Variants in ZNF804B observed in about 807,000 individuals in gnomAD.
ZNF804B encodes zinc finger protein 804B, also known as zinc finger 804B.
Under a neutral mutation model 101.4 loss-of-function variants are expected in ZNF804B, and 80 were observed. The ratio of observed to expected loss-of-function variants is 0.79; its 90% CI spans 0.66 to 0.95. ZNF804B has a LOEUF of 0.95. ZNF804B is among the 40% of genes least tolerant of loss of function. The pLI is 0.00. For missense variants in ZNF804B, 1,673 were observed against 1,561.9 expected, an observed-to-expected ratio of 1.07 and a Z score of -1.20; for synonymous variants, 622 against 558.8, an observed-to-expected ratio of 1.11 and a Z score of -1.59.
intron 1 of ZNF804B, among the ~76,000 whole-genome samples, chr7:89,203,735 T>A (rs73397110): frequency 0.013 from 2,034 of 152,224 alleles, 42 homozygotes; most frequent in African/African-American, 0.046. Flanking sequence ...AGACTTATTA[T>A]TAGACATAAT....
At chr7:88,978,648 T>C (rs1793651835) in intron 1 of ZNF804B, among the ~76,000 whole-genome samples, 1 of 151,852 alleles carries the variant, frequency 6.6e-6, no homozygotes, top group Non-Finnish European at 1.5e-5. Context: ...GCTCTTGTTT[T>C]TTTTTAATTT....
chr7:89,030,307 TTTTCAAGGACC>T (rs1418660243), intron 1 of ZNF804B, among the ~76,000 whole-genome samples: 1 of 152,196 alleles, frequency 6.6e-6, no homozygotes, highest in East Asian at 1.9e-4. Flanking sequence ...ATTTAGCATA[TTTTCAAGGACC>T]ATAGGAGAAT....
chr7:88,845,279 GCACGCGCGCGCGCACGCGCGCGCA>G (rs1284342454), intron 1 of ZNF804B, among the ~76,000 whole-genome samples: 2 of 133,804 alleles, frequency 1.5e-5, no homozygotes, highest in East Asian at 4.9e-4. Flanking sequence ...GCATGTGTGC[GCACGCGCGCGCGCACGCGCGCGCA>G]CACACACACA....
chr7:89,179,998 A>G (rs1788273054), intron 1 of ZNF804B, among the ~76,000 whole-genome samples: 1 of 152,056 alleles, frequency 6.6e-6, no homozygotes, highest in Admixed American at 6.6e-5. Flanking sequence ...CTTTTCCTAA[A>G]CTAACTGAGT....
At chr7:88,807,073 C>T (rs1169153593) in intron 1 of ZNF804B, among the ~76,000 whole-genome samples, 1 of 152,110 alleles carries the variant, frequency 6.6e-6, no homozygotes, top group African/African-American at 2.4e-5. Context: ...AAATCCATAT[C>T]TTTTTTGACT....
chr7:89,334,468 G>T lies in ZNF804B; in HGVS notation c.1486G>T (p.Asp496Tyr). 1 of 1,613,648 alleles carries T rather than the reference G, an allele frequency of 6.2e-7. No individual in the cohort carries two copies. The highest frequency in any genetic ancestry group is 8.5e-7 in the Non-Finnish European group (1 of 1,179,826). The change falls in exon 4 of 4, where the codon GAC (aspartate) becomes TAC (tyrosine). Residue 496 changes from aspartate to tyrosine, a missense_variant. By Grantham distance (160) the Asp-to-Tyr change is radical (BLOSUM62 -3). Coordinates refer to ENST00000333190, the MANE Select transcript of ZNF804B (RefSeq NM_181646.5). ...CACAAAGGAAGACCACAATCTAGAG[G>T]ACTTAAAAACAGAATTGGGTAAGAA... ...RNTKEDHNLE[D>Y]LKTELGKKPL...
At chr7:88,811,827 G>A (rs1790793370) in intron 1 of ZNF804B, among the ~76,000 whole-genome samples, 1 of 143,318 alleles carries the variant, frequency 7.0e-6, no homozygotes, top group African/African-American at 2.5e-5. Flanking sequence ...TGTGAGACAG[G>A]GGAGGGAGAG....
chr7:89,279,346 C>T (rs1387585374), intron 2 of ZNF804B, among the ~76,000 whole-genome samples: 3 of 151,186 alleles, frequency 2.0e-5, no homozygotes, highest in East Asian at 3.9e-4. Context: ...CCTTTATTTC[C>T]TTCTCCTGCC....
chr7:88,877,622 C>A (rs1791973150), intron 1 of ZNF804B, among the ~76,000 whole-genome samples: 1 of 152,032 alleles, frequency 6.6e-6, no homozygotes, highest in Admixed American at 6.6e-5. Context: ...TTAGCTTCCC[C>A]ACCCAGTTTC....
chr7:89,320,172 A>G (rs1790797087), intron 2 of ZNF804B, among the ~76,000 whole-genome samples: 1 of 152,110 alleles, frequency 6.6e-6, no homozygotes, highest in African/African-American at 2.4e-5. Context: ...CATTCTGCAC[A>G]TGTACCCCAG....
intron 1 of ZNF804B, among the ~76,000 whole-genome samples, chr7:88,798,698 T>C (rs1201872448): frequency 6.6e-6 from 1 of 152,134 alleles, no homozygotes; most frequent in African/African-American, 2.4e-5. Context: ...GAGTAAGTTC[T>C]GACTAGATAG....
chr7:88,762,231 T>G (rs1232911382), intron 1 of ZNF804B, among the ~76,000 whole-genome samples: 1 of 152,258 alleles, frequency 6.6e-6, no homozygotes, highest in South Asian at 2.1e-4. Flanking sequence ...TTTGATTTAC[T>G]TGGTCTTCTT....
chr7:89,101,856 C>T (rs1258892506), intron 1 of ZNF804B, among the ~76,000 whole-genome samples: 3 of 151,848 alleles, frequency 2.0e-5, no homozygotes, highest in Admixed American at 6.6e-5. Context: ...TCCTCATCCC[C>T]CTTCCTTTTT....
intron 1 of ZNF804B, among the ~76,000 whole-genome samples, chr7:88,868,349 G>T (rs1791768508): frequency 6.6e-6 from 1 of 152,122 alleles, no homozygotes. Flanking sequence ...TAAAGAACAA[G>T]AACCTGATGT....
intron 2 of ZNF804B, among the ~76,000 whole-genome samples, chr7:89,225,783 A>G (rs896949572): frequency 6.6e-6 from 1 of 152,072 alleles, no homozygotes; most frequent in Non-Finnish European, 1.5e-5. Flanking sequence ...CCACCCCAGT[A>G]TGTTCAGACT....
At chr7:89,041,465 G>T (rs1047214900) in intron 1 of ZNF804B, among the ~76,000 whole-genome samples, 1 of 152,190 alleles carries the variant, frequency 6.6e-6, no homozygotes, top group Admixed American at 6.5e-5. Flanking sequence ...GCAAGTGCCA[G>T]CCTGGAGCCT....
At chr7:89,120,025 TCACAGAAGAAG>T (rs1436759270) in intron 1 of ZNF804B, among the ~76,000 whole-genome samples, 4 of 152,046 alleles carry the variant, frequency 2.6e-5, no homozygotes. Flanking sequence ...CTAATGCTCT[TCACAGAAGAAG>T]CACAGAAGAG....
At chr7:89,171,084 G>C (rs910811153) in intron 1 of ZNF804B, among the ~76,000 whole-genome samples, 1 of 152,158 alleles carries the variant, frequency 6.6e-6, no homozygotes, top group African/African-American at 2.4e-5. Flanking sequence ...GACCAATAAG[G>C]CTGGTCTGCC....
intron 1 of ZNF804B, among the ~76,000 whole-genome samples, chr7:89,134,949 C>G (rs781696979): frequency 2.0e-5 from 3 of 151,806 alleles, no homozygotes; most frequent in Non-Finnish European, 4.4e-5. Context: ...ATTGCATTGA[C>G]CTTACTCCTT....
Sources: allele counts gnomAD v4.1 joint callset (sites outside exome capture counted in the v4.1 genomes callset), GRCh38; gene constraint gnomAD v4.1.1; transcripts MANE v1.5; gene names NCBI Gene and HGNC (gene_info 2026-07-23, HGNC 2026-07-21).